INPP4B: variants seen among roughly 807,000 people sequenced by gnomAD.
INPP4B encodes the protein inositol polyphosphate 4-phosphatase type II.
Under a neutral mutation model 122.5 loss-of-function variants are expected in INPP4B, and 55 were observed. The ratio of observed to expected loss-of-function variants is 0.45; its 90% CI spans 0.36 to 0.56. The LOEUF is 0.56. INPP4B is among the 20% of genes least tolerant of loss of function. INPP4B has a pLI of 0.00. For missense variants in INPP4B, 1,000 were observed against 1,097.7 expected (o/e 0.91, Z 1.26); for synonymous variants, 403 against 388.7 (o/e 1.04, Z -0.43).
At chr4:142,033,228 G>A (rs1175695676) in intron 25 of INPP4B, among the ~76,000 whole-genome samples, 1 of 152,154 alleles carries the variant, frequency 6.6e-6, no homozygotes, top group East Asian at 1.9e-4. Context: ...TCACAGGGAA[G>A]GCTGGTCCAT....
At chr4:142,116,723 T>C (rs1486974052) in intron 21 of INPP4B, among the ~76,000 whole-genome samples, 2 of 152,012 alleles carry the variant, frequency 1.3e-5, no homozygotes. Flanking sequence ...AGGTCTAAAA[T>C]TGACACCCTA....
intron 7 of INPP4B, chr4:142,383,943 TTG>T (rs1428541908): frequency 1.2e-5 from 7 of 601,484 alleles, no homozygotes; most frequent in East Asian, 2.8e-5. Context: ...AAGAAAACTG[TTG>T]TGTCTCATTA....
At chr4:142,832,261 C>T (rs1782237830) in intron 1 of INPP4B, among the ~76,000 whole-genome samples, 1 of 152,052 alleles carries the variant, frequency 6.6e-6, no homozygotes, top group Admixed American at 6.6e-5. Flanking sequence ...TCATGAAAAG[C>T]AACAGATGTT....
rs187783991 is a variant in INPP4B, at chr4:142,386,922, T to C, written c.372+16016A>G. 8.7e-3 allele frequency among the ~76,000 whole-genome samples: 1,319 copies of C among 152,272 alleles called. 6 individuals are homozygous for C. Among genetic ancestry groups the C allele is most frequent in the Non-Finnish European group, 0.013 (868 of 68,018 alleles). ...AAGCAAGATACCTTCTGGACCCACT[T>C]GTATCCATTGATCTCTCAGAGCAGC... On this transcript the variant is annotated intron_variant, in intron 7 of 25. Transcript: ENST00000262992.
Position 142,193,876 on chromosome 4 carries a change from A to G in INPP4B, c.1073-681T>C, listed in dbSNP as rs1837073029. Among the ~76,000 whole-genome samples, 6 of 152,282 alleles carry G rather than the reference A, an allele frequency of 3.9e-5. No homozygotes were observed. In the South Asian group the frequency reaches 1.2e-3, roughly 32 times the overall value. On this transcript the variant is annotated intron_variant, in intron 14 of 25. Coordinates refer to ENST00000262992, the MANE Select transcript of INPP4B (RefSeq NM_001101669.3). ...TTGATCTTGAAAGCCATGAAGTTTG[A>G]TACATATTAAGTTTATGGCTTCAAA...
rs576739955 is a variant in INPP4B, at chr4:142,733,021, A to G, written c.-253-7120T>C. Among the ~76,000 whole-genome samples, 19 of 152,282 alleles carry G rather than the reference A, an allele frequency of 1.2e-4. No individual in the cohort carries two copies. In the South Asian group the frequency reaches 3.5e-3, roughly 28 times the overall value. On this transcript the variant is annotated intron_variant, in intron 1 of 25. Transcript: ENST00000262992. ...AAACAAACTCACACAAGTTATAACA[A>G]CAAATTACACAAGTAAATTATGGCA...
chr4:142,558,054 T>C (rs1295292276), intron 2 of INPP4B, among the ~76,000 whole-genome samples: 1 of 152,232 alleles, frequency 6.6e-6, no homozygotes, highest in Non-Finnish European at 1.5e-5. Context: ...GTGCCAACCA[T>C]GGTAATCCTA....
chr4:142,592,853 C>A (rs576707353), intron 2 of INPP4B, among the ~76,000 whole-genome samples: 2 of 152,108 alleles, frequency 1.3e-5, no homozygotes, highest in African/African-American at 2.4e-5. Flanking sequence ...GTAATCCCAG[C>A]ACTTTGGGAG....
At chr4:142,655,046 A>T (rs772197041) in intron 2 of INPP4B, among the ~76,000 whole-genome samples, 2 of 152,230 alleles carry the variant, frequency 1.3e-5, no homozygotes, top group African/African-American at 2.4e-5. Flanking sequence ...TCTCACAGCA[A>T]CAGTAAGATA....
At chr4:142,741,120 A>G (rs2150918326) in intron 1 of INPP4B, among the ~76,000 whole-genome samples, 1 of 152,140 alleles carries the variant, frequency 6.6e-6, no homozygotes. Flanking sequence ...CTAAGAGTAT[A>G]AAAAAGGAAA....
At chr4:142,434,733 A>G (rs1212553398) in intron 3 of INPP4B, among the ~76,000 whole-genome samples, 1 of 152,158 alleles carries the variant, frequency 6.6e-6, no homozygotes, top group African/African-American at 2.4e-5. Flanking sequence ...TTTCTCTGCC[A>G]TCTAGAGACA....
intron 12 of INPP4B, 55 bp downstream of exon 12, chr4:142,237,809 A>C (rs28493565): frequency 9.2e-7 from 1 of 1,085,810 alleles, no homozygotes; most frequent in Non-Finnish European, 1.3e-6. Flanking sequence ...TCAATTAAAA[A>C]TTTTTAAATG....
chr4:142,072,133 T>C (rs1767793696), intron 25 of INPP4B, among the ~76,000 whole-genome samples: 1 of 152,296 alleles, frequency 6.6e-6, no homozygotes, highest in South Asian at 2.1e-4. Context: ...GTGGCACATA[T>C]ACACCATGGA....
At chr4:142,645,629 G>A (rs992356726) in intron 2 of INPP4B, among the ~76,000 whole-genome samples, 1 of 152,098 alleles carries the variant, frequency 6.6e-6, no homozygotes, top group Admixed American at 6.6e-5. Flanking sequence ...TTTAGCCCAC[G>A]AGGCAGAAGC....
intron 2 of INPP4B, among the ~76,000 whole-genome samples, chr4:142,627,462 AG>A (rs1428459327): frequency 1.4e-5 from 2 of 141,226 alleles, no homozygotes; most frequent in African/African-American, 5.3e-5. Flanking sequence ...TTTAGCATGA[AG>A]GGTTGTTGAA....
At chr4:142,326,119 T>G (rs924240149) in intron 7 of INPP4B, among the ~76,000 whole-genome samples, 1 of 152,222 alleles carries the variant, frequency 6.6e-6, no homozygotes, top group Non-Finnish European at 1.5e-5. Context: ...AGTACTTATT[T>G]CTGGTTCTTC....
In INPP4B at chr4:142,431,154, T is replaced by C; in HGVS notation, c.91+15A>G. On this transcript the variant is annotated intron_variant, in intron 4 of 25. Transcript: ENST00000262992. Reference sequence around the variant, plus strand: ...CTTTAGATGCAAAAACAGGGAGGGATACACACATACTTACTTGTGAACTGA... The same window carrying C: ...CTTTAGATGCAAAAACAGGGAGGGACACACACATACTTACTTGTGAACTGA... 6.3e-7 allele frequency: 1 copy of C among 1,598,242 alleles called. No homozygotes were observed. The highest frequency in any genetic ancestry group is 1.7e-5 in the Admixed American group (1 of 59,750).
At chr4:142,257,601 C>T (rs1187497351) in intron 11 of INPP4B, among the ~76,000 whole-genome samples, 1 of 152,124 alleles carries the variant, frequency 6.6e-6, no homozygotes, top group Non-Finnish European at 1.5e-5. Flanking sequence ...AACTCCCATT[C>T]ACAATTGCTT....
intron 1 of INPP4B, among the ~76,000 whole-genome samples, chr4:142,732,173 C>T (rs1028140926): frequency 2.6e-5 from 4 of 152,076 alleles, no homozygotes; most frequent in Non-Finnish European, 1.5e-5. Context: ...AACTAAAGAC[C>T]AGAATGGCAG....
Sources: allele counts gnomAD v4.1 joint callset (sites outside exome capture counted in the v4.1 genomes callset), GRCh38; gene constraint gnomAD v4.1.1; transcripts MANE v1.5; gene names NCBI Gene and HGNC (gene_info 2026-07-23, HGNC 2026-07-21).